The following DOCK8 variants were observed in gnomAD, a reference collection of about 807,000 sequenced individuals.
DOCK8 encodes dedicator of cytokinesis protein 8.
A neutral mutation model predicts 245.6 loss-of-function variants in DOCK8; 141 were observed. The observed-to-expected ratio is 0.57, with a 90% CI of 0.50 to 0.66. The LOEUF (loss-of-function observed/expected upper bound fraction) is 0.66, where lower values mean the gene tolerates loss of function less well. DOCK8 is among the 30% of genes least tolerant of loss of function. DOCK8 has a pLI of 0.00. For synonymous variants in DOCK8, 1,168 were observed against 970.2 expected (o/e 1.20, Z -3.79); for missense variants, 2,965 against 2,603.4 (o/e 1.14, Z -3.02).
At chr9:306,820 G>C (rs769730161) in intron 5 of DOCK8, among the ~76,000 whole-genome samples, 2 of 152,170 alleles carry the variant, frequency 1.3e-5, no homozygotes, top group East Asian at 3.9e-4. Flanking sequence ...GAAGATCTTG[G>C]AGTTGTCAGA....
At chr9:344,571 C>A (rs1222481323) in intron 14 of DOCK8, among the ~76,000 whole-genome samples, 1 of 152,134 alleles carries the variant, frequency 6.6e-6, no homozygotes, top group African/African-American at 2.4e-5. Context: ...CTCACCTTTT[C>A]ATTTCTGTCC....
At chr9:347,311 C>T (rs953273096) in intron 14 of DOCK8, among the ~76,000 whole-genome samples, 2 of 151,978 alleles carry the variant, frequency 1.3e-5, no homozygotes, top group Non-Finnish European at 2.9e-5. Flanking sequence ...CAAGACCAGC[C>T]TAGGCAACAT....
chr9:338,879 T>A lies in DOCK8; in HGVS notation c.1423-127T>A, dbSNP rs1228446060. The A allele has an allele frequency of 7.8e-6, 6 of 767,788 alleles. No homozygotes were observed. In the African/African-American group the frequency reaches 8.6e-5, roughly 11 times the overall value. The allele number at this position is 767,788 out of a possible 1,614,324, so 47.6% of individuals were successfully genotyped here. On this transcript the variant is annotated intron_variant, in intron 12 of 47. Transcript: ENST00000432829. ...AGCTCAGTGATTTCAGAGCTGTCTATAATCCTAATTTCTATGAAAGACTTG... is the reference window on the plus strand; with the variant it reads ...AGCTCAGTGATTTCAGAGCTGTCTAAAATCCTAATTTCTATGAAAGACTTG...
At chr9:281,385 T>G (rs1357905371) in intron 2 of DOCK8, among the ~76,000 whole-genome samples, 2 of 152,220 alleles carry the variant, frequency 1.3e-5, no homozygotes, top group South Asian at 2.1e-4. Flanking sequence ...TTTAAACTAG[T>G]CTTTGGTCTC....
At chr9:381,458 C>G (rs533043616) in intron 21 of DOCK8, 1 of 152,260 alleles carries the variant, frequency 6.6e-6, no homozygotes, top group East Asian at 1.9e-4. Context: ...TCAAACTGAA[C>G]TATTGAAATA....
intron 14 of DOCK8, among the ~76,000 whole-genome samples, chr9:360,013 T>C (rs1345329119): frequency 6.6e-6 from 1 of 152,096 alleles, no homozygotes. Context: ...TGTTTCAAGC[T>C]GTTAAAAAAT....
chr9:254,981 T>C (rs642096), intron 1 of DOCK8, among the ~76,000 whole-genome samples: 78,296 of 151,990 alleles, frequency 0.52, 20,471 homozygotes, highest in East Asian at 0.8. Context: ...TATTTTTGTA[T>C]GCTAAAGTTT....
chr9:392,338 T>A (rs748757912), intron 24 of DOCK8, among the ~76,000 whole-genome samples: 1 of 151,940 alleles, frequency 6.6e-6, no homozygotes, highest in Non-Finnish European at 1.5e-5. Context: ...TCAGAAGAAG[T>A]CAGGTTCATG....
intron 14 of DOCK8, among the ~76,000 whole-genome samples, chr9:344,383 C>A (rs2051765725): frequency 6.6e-6 from 1 of 152,146 alleles, no homozygotes; most frequent in Non-Finnish European, 1.5e-5. Flanking sequence ...GTGTTCTTCT[C>A]CAGTCCTTGT....
intron 1 of DOCK8, among the ~76,000 whole-genome samples, chr9:230,761 T>C (rs2047096721): frequency 6.6e-6 from 1 of 152,130 alleles, no homozygotes; most frequent in South Asian, 2.1e-4. Flanking sequence ...TGTTTTTTTC[T>C]TGTAAATGTG....
At chr9:217,884 C>T (rs1184740986) in intron 1 of DOCK8, among the ~76,000 whole-genome samples, 1 of 152,178 alleles carries the variant, frequency 6.6e-6, no homozygotes, top group African/African-American at 2.4e-5. Flanking sequence ...AATGGCAGAG[C>T]TGGGATTGCA....
intron 14 of DOCK8, among the ~76,000 whole-genome samples, chr9:354,971 A>C (rs1326622015): frequency 6.6e-6 from 1 of 152,132 alleles, no homozygotes; most frequent in Non-Finnish European, 1.5e-5. Flanking sequence ...CCCACACTCA[A>C]AGGGAGAGGA....
intron 10 of DOCK8, among the ~76,000 whole-genome samples, chr9:333,183 T>TACCTGATAAAAACTGGGATAAA (rs1460396130): frequency 6.6e-6 from 1 of 152,204 alleles, no homozygotes; most frequent in Non-Finnish European, 1.5e-5. Context: ...GGTATGCAAA[T>TACCTGATAAAAACTGGGATAAA]AACTGGGAAT....
chr9:235,242 G>T (rs1156938710), intron 1 of DOCK8, among the ~76,000 whole-genome samples: 1 of 152,168 alleles, frequency 6.6e-6, no homozygotes, highest in Non-Finnish European at 1.5e-5. Flanking sequence ...GCTGCTGCCT[G>T]ATTGTTCCTC....
chr9:334,163 T>G, intron 10 of DOCK8, 62 bp from the exon 11 acceptor site: 3 of 1,592,260 alleles, frequency 1.9e-6, no homozygotes, highest in Non-Finnish European at 2.6e-6. Flanking sequence ...CATATTCAGG[T>G]CAGAGGCAGT....
In DOCK8 at chr9:400,656, CCACCACCACCAGCATCTT is replaced by C. The variant is rs2054914055; in HGVS notation, c.3234+1403_3234+1420del. Among the ~76,000 whole-genome samples the C allele has an allele frequency of 3.3e-5, 4 of 121,244 alleles. No individual in the cohort carries two copies. The South Asian group carries it at 8.5e-4, about 26-fold the overall frequency. The allele number at this position is 121,244 out of a possible 152,430, so 79.5% of individuals were successfully genotyped here. A position where few individuals can be genotyped will look rare whatever the true frequency, so the allele number is the denominator to read the frequency against. ...ACCACCTCCACCATCACCACCACCT[CCACCACCACCAGCATCTT>C]CACCATCACCACCACCTCCACCACC... On this transcript the variant is annotated intron_variant, in intron 26 of 47. Transcript: ENST00000432829.
At chr9:256,137 C>T (rs549519118) in intron 1 of DOCK8, among the ~76,000 whole-genome samples, 67 of 152,100 alleles carry the variant, frequency 4.4e-4, no homozygotes, top group Non-Finnish European at 8.5e-4. Flanking sequence ...ATTAAGGATA[C>T]AGTATTAGGA....
At chr9:441,171 G>C in intron 40 of DOCK8, 115 bp from the exon 41 acceptor site, 1 of 1,488,802 alleles carries the variant, frequency 6.7e-7, no homozygotes, top group Non-Finnish European at 9.3e-7. Flanking sequence ...GTGAAATACT[G>C]TGATACAACA....
chr9:379,453 G>T (rs567798894), intron 20 of DOCK8, among the ~76,000 whole-genome samples: 1 of 152,146 alleles, frequency 6.6e-6, no homozygotes, highest in East Asian at 1.9e-4. Flanking sequence ...GGTCGTGTGT[G>T]TCCGCAGCCC....
Sources: allele counts gnomAD v4.1 joint callset (sites outside exome capture counted in the v4.1 genomes callset), GRCh38; gene constraint gnomAD v4.1.1; transcripts MANE v1.5; gene names NCBI Gene and HGNC (gene_info 2026-07-23, HGNC 2026-07-21).